Variants in MYO5A observed in about 807,000 individuals in gnomAD.
MYO5A encodes myosin VA, also known as unconventional myosin-Va.
MYO5A carries 98 observed loss-of-function variants against 249.7 expected under a neutral mutation model. The ratio of observed to expected loss-of-function variants is 0.39; its 90% CI spans 0.33 to 0.46. MYO5A has a LOEUF of 0.46. Ranked by LOEUF, MYO5A falls within the 20% of genes least tolerant of loss-of-function variation. The pLI, the probability that MYO5A is intolerant of heterozygous loss-of-function variation, is 0.98. For synonymous variants in MYO5A, 778 were observed against 810.6 expected (o/e 0.96, Z 0.68); for missense variants, 1,696 against 2,308.8 (o/e 0.73, Z 5.44).
At chr15:52,377,542 A>C (rs754276124) in intron 18 of MYO5A, among the ~76,000 whole-genome samples, 5 of 151,210 alleles carry the variant, frequency 3.3e-5, no homozygotes, top group Non-Finnish European at 5.9e-5. Context: ...AATGGAATTT[A>C]TATGTAAGAA....
chr15:52,508,568 T>C (rs1000194417), intron 1 of MYO5A, among the ~76,000 whole-genome samples: 19 of 152,196 alleles, frequency 1.2e-4, no homozygotes, highest in African/African-American at 4.6e-4. Context: ...TGGCCAAGAT[T>C]ACTTGTAGGC....
intron 1 of MYO5A, among the ~76,000 whole-genome samples, chr15:52,443,365 A>C (rs1307220083): frequency 6.6e-6 from 1 of 152,252 alleles, no homozygotes; most frequent in African/African-American, 2.4e-5. Flanking sequence ...TAAATGAACA[A>C]AATCATAGGG....
intron 1 of MYO5A, among the ~76,000 whole-genome samples, chr15:52,494,041 A>G (rs1427185320): frequency 6.6e-6 from 1 of 152,148 alleles, no homozygotes; most frequent in Non-Finnish European, 1.5e-5. Flanking sequence ...ACACCCCACA[A>G]TCTGAGATGT....
At chr15:52,525,747 T>C (rs115090449) in intron 1 of MYO5A, among the ~76,000 whole-genome samples, 2,480 of 152,310 alleles carry the variant, frequency 0.016, 78 homozygotes, top group African/African-American at 0.057. Flanking sequence ...CCTCTAGTAA[T>C]TACAATAGTA....
chr15:52,484,544 T>A (rs140866307), intron 1 of MYO5A, among the ~76,000 whole-genome samples: 1 of 152,232 alleles, frequency 6.6e-6, no homozygotes, highest in Non-Finnish European at 1.5e-5. Flanking sequence ...GATCATTATA[T>A]GAAATGCCAT....
chr15:52,338,703 A>G (rs1441707724), intron 32 of MYO5A, among the ~76,000 whole-genome samples: 5 of 152,200 alleles, frequency 3.3e-5, no homozygotes, highest in Non-Finnish European at 4.4e-5. Context: ...AGCTTAGAAT[A>G]TAGGGGCTTA....
intron 1 of MYO5A, among the ~76,000 whole-genome samples, chr15:52,504,081 T>C (rs1427997650): frequency 6.6e-6 from 1 of 151,348 alleles, no homozygotes; most frequent in East Asian, 1.9e-4. Context: ...TTTGCCTTTT[T>C]AAATATCTTG....
chr15:52,450,859 T>TTGTTTGTTTTTTGTTTC (rs1567138489), intron 1 of MYO5A, among the ~76,000 whole-genome samples: 3 of 148,014 alleles, frequency 2.0e-5, no homozygotes, highest in Non-Finnish European at 4.5e-5. Flanking sequence ...TTTTTTTTTT[T>TTGTTTGTTTTTTGTTTC]TTTTTTGTGA....
intron 2 of MYO5A, among the ~76,000 whole-genome samples, chr15:52,431,948 C>A (rs777814119): frequency 2.6e-5 from 4 of 151,504 alleles, no homozygotes; most frequent in Non-Finnish European, 5.9e-5. Context: ...CAAAGTGAGA[C>A]CCTGCCTCAA....
intron 34 of MYO5A, chr15:52,331,827 A>G: frequency 1.0e-6 from 1 of 985,406 alleles, no homozygotes; most frequent in Non-Finnish European, 1.2e-6. Context: ...ATCCAGCAAC[A>G]CTATGATATC....
intron 1 of MYO5A, among the ~76,000 whole-genome samples, chr15:52,488,931 G>A (rs2076879229): frequency 6.6e-6 from 1 of 152,172 alleles, no homozygotes; most frequent in Non-Finnish European, 1.5e-5. Context: ...AGTAACAACT[G>A]CCCATGGGAG....
At chr15:52,365,272 G>A (rs1437248918) in intron 23 of MYO5A, among the ~76,000 whole-genome samples, 1 of 152,120 alleles carries the variant, frequency 6.6e-6, no homozygotes, top group East Asian at 1.9e-4. Context: ...TAAAATGCTC[G>A]GGCCTGGCCA....
At chr15:52,458,294 G>A (rs1482539857) in intron 1 of MYO5A, among the ~76,000 whole-genome samples, 1 of 152,186 alleles carries the variant, frequency 6.6e-6, no homozygotes, top group East Asian at 1.9e-4. Flanking sequence ...TGATAAATGT[G>A]GCCGGGCACA....
intron 1 of MYO5A, among the ~76,000 whole-genome samples, chr15:52,475,449 T>A (rs1030064161): frequency 6.6e-6 from 1 of 152,116 alleles, no homozygotes; most frequent in African/African-American, 2.4e-5. Context: ...GTGTTTGCTC[T>A]TGTTTCTCTA....
intron 1 of MYO5A, among the ~76,000 whole-genome samples, chr15:52,517,922 T>C (rs564140608): frequency 2.0e-5 from 3 of 152,248 alleles, no homozygotes; most frequent in Admixed American, 2.0e-4. Flanking sequence ...TGTTCTGTAT[T>C]ATTCAAATAA....
rs181586651 is a variant in MYO5A, at chr15:52,477,380, C to T, written c.28-44095G>A. The stretch of plus-strand genomic sequence containing the variant: ...GAGAAGTTTGTTATTACTGATCTTC[C>T]GAAGCCTTCTTCTCTCAACTCGTCA... On this transcript the variant is annotated intron_variant, in intron 1 of 41. Transcript: ENST00000399233. 1.4e-4 allele frequency among the ~76,000 whole-genome samples: 21 copies of T among 152,210 alleles called. No homozygotes were observed. The East Asian group carries it at 3.5e-3, about 25-fold the overall frequency.
intron 30 of MYO5A, among the ~76,000 whole-genome samples, chr15:52,345,765 A>T (rs192473525): frequency 1.7e-4 from 26 of 152,276 alleles, no homozygotes; most frequent in Non-Finnish European, 1.9e-4. Context: ...TTCAGTTTAT[A>T]AAGTATGTAT....
intron 1 of MYO5A, among the ~76,000 whole-genome samples, chr15:52,492,277 C>T (rs368278754): frequency 2.0e-5 from 3 of 152,228 alleles, no homozygotes; most frequent in African/African-American, 4.8e-5. Flanking sequence ...CAAAAAGACA[C>T]GGAGCAAAAT....
At chr15:52,369,121 T>C (rs28605633) in intron 22 of MYO5A, among the ~76,000 whole-genome samples, 8,042 of 152,216 alleles carry the variant, frequency 0.053, 609 homozygotes, top group African/African-American at 0.17. Context: ...TCTAGAGATA[T>C]AGGAGGAATT....
Sources: gnomAD v4.1 joint callset for allele counts (sites outside exome capture counted in the v4.1 genomes callset) on GRCh38, gnomAD v4.1.1 for gene constraint, MANE v1.5 for transcripts, NCBI Gene and HGNC (gene_info 2026-07-23, HGNC 2026-07-21) for gene names.